The following NLK variants were observed in gnomAD, a reference collection of about 807,000 sequenced individuals.
The protein encoded by NLK is serine/threonine-protein kinase NLK.
NLK carries 11 observed loss-of-function variants against 59.0 expected under a neutral mutation model. The observed-to-expected ratio is 0.19, with a 90% CI of 0.12 to 0.31. The LOEUF (loss-of-function observed/expected upper bound fraction) is 0.31, where lower values mean the gene tolerates loss of function less well. NLK is among the 10% of genes least tolerant of loss of function. The pLI is 1.00. For missense variants in NLK, 410 were observed against 661.1 expected (o/e 0.62, Z 4.16); for synonymous variants, 235 against 235.9 (o/e 1.00, Z 0.03).
intron 8 of NLK, among the ~76,000 whole-genome samples, chr17:28,186,364 G>T (rs1057462112): frequency 6.6e-6 from 1 of 152,132 alleles, no homozygotes; most frequent in African/African-American, 2.4e-5. Flanking sequence ...ACCAATTAGG[G>T]TGACCCAAAT....
chr17:28,077,184 C>T (rs115436758), intron 1 of NLK, among the ~76,000 whole-genome samples: 3 of 148,670 alleles, frequency 2.0e-5, no homozygotes, highest in South Asian at 2.1e-4. Flanking sequence ...TGTATTAGTC[C>T]GTTTTCACAT....
At chr17:28,135,015 G>T (rs1906681322) in intron 3 of NLK, among the ~76,000 whole-genome samples, 1 of 152,136 alleles carries the variant, frequency 6.6e-6, no homozygotes, top group Non-Finnish European at 1.5e-5. Context: ...ATCACCACTT[G>T]TTTCATTCAG....
intron 1 of NLK, among the ~76,000 whole-genome samples, chr17:28,056,798 TG>T (rs1440530451): frequency 6.6e-6 from 1 of 152,114 alleles, no homozygotes; most frequent in Non-Finnish European, 1.5e-5. Flanking sequence ...GTAACTAAGT[TG>T]TATATTTATT....
chr17:28,122,521 A>G (rs1056290357), intron 1 of NLK, 82 bp from the exon 2 acceptor site: 3 of 1,441,150 alleles, frequency 2.1e-6, no homozygotes, highest in African/African-American at 1.4e-5. Flanking sequence ...AGATATTGTC[A>G]TGATCTGAAA....
chr17:28,064,680 A>G (rs1418400999), intron 1 of NLK, among the ~76,000 whole-genome samples: 1 of 152,230 alleles, frequency 6.6e-6, no homozygotes, highest in African/African-American at 2.4e-5. Context: ...CTACAGGTAT[A>G]TGCCACTGGG....
At chr17:28,068,835 C>A (rs547987097) in intron 1 of NLK, among the ~76,000 whole-genome samples, 8 of 152,104 alleles carry the variant, frequency 5.3e-5, no homozygotes, top group Non-Finnish European at 1.2e-4. Flanking sequence ...TGTGCCACCA[C>A]ACCAGGCTAA....
intron 5 of NLK, among the ~76,000 whole-genome samples, chr17:28,166,317 T>C (rs1216674502): frequency 6.6e-6 from 1 of 152,222 alleles, no homozygotes; most frequent in Non-Finnish European, 1.5e-5. Flanking sequence ...TTTTCCTGCT[T>C]TCTTAAGTTG....
At chr17:28,095,071 A>G (rs1226447219) in intron 1 of NLK, among the ~76,000 whole-genome samples, 1 of 152,214 alleles carries the variant, frequency 6.6e-6, no homozygotes, top group East Asian at 1.9e-4. Context: ...GAATAAAATT[A>G]GAAGGAAAAA....
chr17:28,068,844 A>C (rs1909919105), intron 1 of NLK, among the ~76,000 whole-genome samples: 1 of 152,070 alleles, frequency 6.6e-6, no homozygotes. Flanking sequence ...ACACCAGGCT[A>C]ATTTTTAAAA....
chr17:28,164,014 G>A (rs571252551), intron 5 of NLK, among the ~76,000 whole-genome samples: 2 of 152,306 alleles, frequency 1.3e-5, no homozygotes, highest in South Asian at 4.1e-4. Flanking sequence ...TTTTTACACA[G>A]CTAACATATC....
chr17:28,105,165 C>T (rs925453090), intron 1 of NLK, among the ~76,000 whole-genome samples: 7 of 152,074 alleles, frequency 4.6e-5, no homozygotes, highest in South Asian at 2.1e-4. Context: ...CACCTTGGTT[C>T]GAGGTTTCTG....
chr17:28,119,463 C>A (rs190464706), intron 1 of NLK, among the ~76,000 whole-genome samples: 1 of 152,094 alleles, frequency 6.6e-6, no homozygotes, highest in Non-Finnish European at 1.5e-5. Flanking sequence ...TGGCTTTTCT[C>A]ACCATAATAG....
At chr17:28,111,894 GTGGTGT>G (rs1482176609) in intron 1 of NLK, among the ~76,000 whole-genome samples, 132 of 102,360 alleles carry the variant, frequency 1.3e-3, no homozygotes, top group African/African-American at 4.1e-3. Flanking sequence ...GTGTGTGTGT[GTGGTGT>G]GTGTGTGTGT....
At chr17:28,153,654 T>C (rs1385235482) in intron 3 of NLK, among the ~76,000 whole-genome samples, 1 of 152,156 alleles carries the variant, frequency 6.6e-6, no homozygotes, top group Non-Finnish European at 1.5e-5. Context: ...AATGCAGGGA[T>C]GGCAATTGTG....
At chr17:28,117,734 G>A (rs1022968694) in intron 1 of NLK, among the ~76,000 whole-genome samples, 7 of 152,084 alleles carry the variant, frequency 4.6e-5, no homozygotes, top group Non-Finnish European at 1.0e-4. Flanking sequence ...AAATGGAAAA[G>A]GATCTCTTTC....
intron 7 of NLK, among the ~76,000 whole-genome samples, chr17:28,184,044 A>G (rs573054047): frequency 5.3e-5 from 8 of 152,230 alleles, no homozygotes; most frequent in Non-Finnish European, 8.8e-5. Flanking sequence ...TATAAGCTCT[A>G]TGGCTTCTCA....
intron 2 of NLK, among the ~76,000 whole-genome samples, chr17:28,131,170 T>G (rs557538485): frequency 6.6e-6 from 1 of 152,142 alleles, no homozygotes; most frequent in East Asian, 1.9e-4. Context: ...GAATAACCTT[T>G]AAAATGAACC....
chr17:28,120,780 A>C (rs1394378541), intron 1 of NLK, among the ~76,000 whole-genome samples: 1 of 152,230 alleles, frequency 6.6e-6, no homozygotes, highest in African/African-American at 2.4e-5. Context: ...ATGAGCACTT[A>C]GAAAAGGAAG....
intron 3 of NLK, among the ~76,000 whole-genome samples, chr17:28,147,461 C>T (rs1441494178): frequency 6.6e-6 from 1 of 152,126 alleles, no homozygotes; most frequent in Non-Finnish European, 1.5e-5. Flanking sequence ...AAAATAGATG[C>T]AGCATCGTAT....
Sources: allele counts gnomAD v4.1 joint callset (sites outside exome capture counted in the v4.1 genomes callset), GRCh38; gene constraint gnomAD v4.1.1; transcripts MANE v1.5; gene names NCBI Gene and HGNC (gene_info 2026-07-23, HGNC 2026-07-21).